MBTD1: variants seen among roughly 807,000 people sequenced by gnomAD.
MBTD1 encodes the protein mbt domain containing 1.
In MBTD1, 24 loss-of-function variants were observed where a neutral mutation model predicts 87.8. The ratio of observed to expected loss-of-function variants is 0.27; its 90% CI spans 0.20 to 0.38. The LOEUF (loss-of-function observed/expected upper bound fraction) is 0.38, where lower values mean the gene tolerates loss of function less well. Among genes scored for constraint, MBTD1 ranks in the 10% least tolerant of loss-of-function variants. MBTD1 has a pLI of 1.00. For missense variants in MBTD1, 436 were observed against 760.2 expected, an observed-to-expected ratio of 0.57 and a Z score of 5.02; for synonymous variants, 237 against 248.6, an observed-to-expected ratio of 0.95 and a Z score of 0.44.
Position 51,201,733 on chromosome 17 carries a change from ATGT to A in MBTD1, c.1120-40_1120-38del, listed in dbSNP as rs756986200. On this transcript the variant is annotated intron_variant, in intron 11 of 16. Coordinates refer to ENST00000586178, the MANE Select transcript of MBTD1 (RefSeq NM_017643.3). ...TATGAAAGCACATCTACTGTTACAA[ATGT>A]TGTTATTTTGATAATTAAAATATTA... 1.2e-4 allele frequency: 155 copies of A among 1,311,046 alleles called. 1 individual carries two copies. The highest frequency in any genetic ancestry group is 3.5e-5 in the Non-Finnish European group (32 of 915,984). 81.2% of individuals were successfully genotyped at this position (1,311,046 alleles called of 1,614,324 possible).
Position 51,186,358 on chromosome 17 carries a change from GAA to G in MBTD1, c.1769-5666_1769-5665del, listed in dbSNP as rs1420408768. The G allele has an allele frequency of 5.3e-5, 8 of 152,284 alleles. No homozygotes were observed. The East Asian group carries it at 1.5e-3, about 29-fold the overall frequency. 9.4% of individuals were successfully genotyped at this position (152,284 alleles called of 1,614,324 possible). A position where few individuals can be genotyped will look rare whatever the true frequency, so the allele number is the denominator to read the frequency against. On this transcript the variant is annotated intron_variant, in intron 16 of 16. Transcript: ENST00000586178. ...CAAAGTTTGTATTTCTGAAAAGAAG[GAA>G]AGAGAGACTGACTGAATGTGTGTGT...
At chr17:51,259,346 G>A (rs2055305748) in intron 1 of MBTD1, 140 bp from the exon 2 acceptor site, 4 of 923,096 alleles carry the variant, frequency 4.3e-6, no homozygotes, top group Non-Finnish European at 5.6e-6. Context: ...TGCCCACCCC[G>A]CCCCCTTTCA....
intron 2 of MBTD1, among the ~76,000 whole-genome samples, chr17:51,229,987 T>A (rs992775938): frequency 6.6e-6 from 1 of 152,170 alleles, no homozygotes; most frequent in Non-Finnish European, 1.5e-5. Flanking sequence ...GCCTTTTAGA[T>A]ACAATTTTAA....
chr17:51,216,856 A>C (rs2052599587), intron 6 of MBTD1, among the ~76,000 whole-genome samples: 1 of 152,232 alleles, frequency 6.6e-6, no homozygotes, highest in Non-Finnish European at 1.5e-5. Context: ...GTTGCTAGGA[A>C]TACAGTTGAG....
At chr17:51,215,965 T>C (rs527559449) in intron 6 of MBTD1, among the ~76,000 whole-genome samples, 3 of 136,386 alleles carry the variant, frequency 2.2e-5, no homozygotes, top group African/African-American at 8.5e-5. Flanking sequence ...TGAGTGTCGC[T>C]CTATTGCCCA....
chr17:51,253,236 C>G (rs1409100155), intron 2 of MBTD1, among the ~76,000 whole-genome samples: 1 of 152,152 alleles, frequency 6.6e-6, no homozygotes, highest in Non-Finnish European at 1.5e-5. Flanking sequence ...CTTACACTAT[C>G]TTTCCGGAAG....
intron 7 of MBTD1, 127 bp downstream of exon 7, chr17:51,206,761 A>G: frequency 1.7e-6 from 1 of 603,526 alleles, no homozygotes; most frequent in Non-Finnish European, 2.9e-6. Context: ...CAATTTGCCA[A>G]CCCCTGCCCT....
chr17:51,255,959 AAAG>A (rs892168562), intron 2 of MBTD1, among the ~76,000 whole-genome samples: 2 of 152,216 alleles, frequency 1.3e-5, no homozygotes, highest in African/African-American at 2.4e-5. Flanking sequence ...CCAGAAATAC[AAAG>A]AAGTATTAGA....
intron 2 of MBTD1, among the ~76,000 whole-genome samples, chr17:51,235,236 A>T (rs553645721): frequency 6.6e-6 from 1 of 152,028 alleles, no homozygotes; most frequent in Admixed American, 6.6e-5. Flanking sequence ...CCTGGGTTCA[A>T]GCTATTCTCG....
intron 6 of MBTD1, among the ~76,000 whole-genome samples, chr17:51,210,731 G>A (rs904896039): frequency 6.6e-6 from 1 of 151,286 alleles, no homozygotes; most frequent in East Asian, 2.0e-4. Flanking sequence ...ACTCCAGCCT[G>A]GGCAACAGAG....
In MBTD1 at chr17:51,218,991, A is replaced by C; in HGVS notation, c.342T>G (p.Ala114=). 3.2e-6 allele frequency: 5 copies of C among 1,551,462 alleles called. No individual in the cohort carries two copies. Among genetic ancestry groups the C allele is most frequent in the Non-Finnish European group, 4.4e-6 (5 of 1,146,838 alleles). Residue 114 remains alanine, a synonymous_variant, in exon 5 of 17, where the codon GCT becomes GCG. Coordinates refer to ENST00000586178, the MANE Select transcript of MBTD1 (RefSeq NM_017643.3). ...AKVLQKQPLV[A]KLAAYAQYQA... ...GATACTGAGCATATGCGGCTAGCTT[A>C]GCAACTAAAGGTTGTTTCTGAAGAA...
intron 2 of MBTD1, among the ~76,000 whole-genome samples, chr17:51,248,689 T>A (rs2054595102): frequency 6.6e-6 from 1 of 152,240 alleles, no homozygotes; most frequent in Admixed American, 6.5e-5. Flanking sequence ...TCATGTTACA[T>A]GTATAAATGG....
chr17:51,259,185 AC>A lies in MBTD1; in HGVS notation c.-92del, dbSNP rs2055288519. 9.3e-7 allele frequency: 1 copy of A among 1,077,124 alleles called. No individual in the cohort carries two copies. Among genetic ancestry groups the A allele is most frequent in the Non-Finnish European group, 1.2e-6 (1 of 846,812 alleles). The allele number at this position is 1,077,124 out of a possible 1,614,324, so 66.7% of individuals were successfully genotyped here. The stretch of plus-strand genomic sequence containing the variant: ...GCAGAGGGGACGGCTGCTTTGGATG[AC>A]CTCTAATGTCTCTTCCGACTCTGAA... On this transcript the variant is annotated 5_prime_UTR_variant, in exon 2 of 17. Transcript: ENST00000586178.
intron 2 of MBTD1, among the ~76,000 whole-genome samples, chr17:51,235,569 G>T (rs776988987): frequency 5.9e-5 from 9 of 152,120 alleles, no homozygotes; most frequent in Non-Finnish European, 1.0e-4. Context: ...TAAATTCACC[G>T]CATTAACAGA....
At chr17:51,243,560 A>G (rs1380659361) in intron 2 of MBTD1, among the ~76,000 whole-genome samples, 1 of 152,224 alleles carries the variant, frequency 6.6e-6, no homozygotes, top group Admixed American at 6.5e-5. Flanking sequence ...ACAATATATG[A>G]TACTTTTCCC....
chr17:51,204,421 TATAAC>T (rs557336625), intron 7 of MBTD1, among the ~76,000 whole-genome samples: 1 of 149,740 alleles, frequency 6.7e-6, no homozygotes, highest in South Asian at 2.1e-4. Context: ...TAATTATACA[TATAAC>T]ATACATATTT....
chr17:51,183,460 G>A (rs1443011234), intron 16 of MBTD1: 1 of 152,208 alleles, frequency 6.6e-6, no homozygotes, highest in Non-Finnish European at 1.5e-5. Flanking sequence ...CCAAAGTGCT[G>A]GGATTACAGG....
intron 2 of MBTD1, among the ~76,000 whole-genome samples, chr17:51,240,614 C>T (rs960732247): frequency 3.9e-5 from 6 of 152,168 alleles, no homozygotes; most frequent in Non-Finnish European, 7.4e-5. Context: ...ACTAACATGA[C>T]TTATCAATGC....
intron 16 of MBTD1, among the ~76,000 whole-genome samples, chr17:51,188,935 T>G (rs1368079697): frequency 6.6e-6 from 1 of 152,028 alleles, no homozygotes; most frequent in Non-Finnish European, 1.5e-5. Context: ...ATTTTGCATT[T>G]TTAGTAGAGA....
Sources: allele counts gnomAD v4.1 joint callset (sites outside exome capture counted in the v4.1 genomes callset), GRCh38; gene constraint gnomAD v4.1.1; transcripts MANE v1.5; gene names NCBI Gene and HGNC (gene_info 2026-07-23, HGNC 2026-07-21).